Variants in POLE observed in about 807,000 individuals in gnomAD.
POLE encodes DNA polymerase epsilon catalytic subunit A.
POLE carries 188 observed loss-of-function variants against 279.2 expected under a neutral mutation model. The ratio of observed to expected loss-of-function variants is 0.67; its 90% confidence interval spans 0.60 to 0.76. The LOEUF (loss-of-function observed/expected upper bound fraction) is 0.76, where lower values mean the gene tolerates loss of function less well. Among genes scored for constraint, POLE ranks in the 30% least tolerant of loss-of-function variants. POLE has a pLI of 0.00. For missense variants in POLE, 2,703 were observed against 3,016.7 expected, an observed-to-expected ratio of 0.90 and a Z score of 2.44; for synonymous variants, 1,214 against 1,172.5, an observed-to-expected ratio of 1.04 and a Z score of -0.72.
At chr12:132,671,297 C>A (rs1370766125) in intron 16 of POLE, among the ~76,000 whole-genome samples, 1 of 143,768 alleles carries the variant, frequency 7.0e-6, no homozygotes, top group Non-Finnish European at 1.5e-5. Context: ...AGTTTCTTGG[C>A]ATCAATGTGA....
intron 29 of POLE, among the ~76,000 whole-genome samples, chr12:132,653,504 T>C (rs1160427816): frequency 1.3e-5 from 2 of 152,250 alleles, no homozygotes; most frequent in Non-Finnish European, 2.9e-5. Context: ...GTTTCTAGTA[T>C]AAATGAAAGC....
At position 132,675,094 on chromosome 12, in the gene POLE, C is replaced by A. The variant is rs531862858; in HGVS notation, c.1226+304G>T. Reference sequence around the variant, plus strand: ...CTGCCACATCCCAACCTTGCCTGGGCAGAGCAGCTCCATGAGGTCCTAGGT... The same window carrying A: ...CTGCCACATCCCAACCTTGCCTGGGAAGAGCAGCTCCATGAGGTCCTAGGT... On this transcript the variant is annotated intron_variant, in intron 12 of 48. Transcript: ENST00000320574. This position sits in a 1 kb window ranked among gnomAD's most constrained non-coding sequence, Gnocchi z 4.3. 1.2e-4 allele frequency among the ~76,000 whole-genome samples: 19 copies of A among 152,322 alleles called. No homozygotes were observed. Among genetic ancestry groups the A allele is most frequent in the African/African-American group, 4.6e-4 (19 of 41,576 alleles).
intron 45 of POLE, among the ~76,000 whole-genome samples, chr12:132,629,951 T>G (rs1256530203): frequency 6.6e-6 from 1 of 152,208 alleles, no homozygotes; most frequent in Non-Finnish European, 1.5e-5. Flanking sequence ...TGCAGGGCTA[T>G]TAACTTACCT....
chr12:132,681,220 GTCCACTGAC>G lies in POLE; in HGVS notation c.113_121del (p.Ser38_Trp40del). 6.2e-7 allele frequency: 1 copy of G among 1,614,120 alleles called. No homozygotes were observed. Among genetic ancestry groups the G allele is most frequent in the Non-Finnish European group, 8.5e-7 (1 of 1,180,008 alleles). On this transcript the variant is annotated inframe_deletion, in exon 2 of 49. Coordinates refer to ENST00000320574, the MANE Select transcript of POLE (RefSeq NM_006231.4). ...ACCAAACCGCAAATCCATCTTATCC[GTCCACTGAC>G]TCCGTTCCAGGCGCTTGAGTGCCGA...
intron 16 of POLE, among the ~76,000 whole-genome samples, chr12:132,670,889 A>G (rs1006924568): frequency 6.6e-6 from 1 of 152,220 alleles, no homozygotes; most frequent in Non-Finnish European, 1.5e-5. Context: ...TGTGGCTGAC[A>G]ATAGCCAAAC....
chr12:132,636,421 G>A (rs1411825127), intron 41 of POLE, among the ~76,000 whole-genome samples: 1 of 115,980 alleles, frequency 8.6e-6, no homozygotes, highest in Non-Finnish European at 1.6e-5. Flanking sequence ...CCAATCCTCT[G>A]CACATTAGAT....
At chr12:132,680,717 A>G in intron 2 of POLE, 30 bp from the exon 3 acceptor site, 3 of 1,540,684 alleles carry the variant, frequency 1.9e-6, no homozygotes, top group Non-Finnish European at 2.7e-6. Flanking sequence ...CACAGACACA[A>G]GACCATCCTC....
intron 35 of POLE, 60 bp from the exon 36 acceptor site, chr12:132,643,056 G>A (rs1275511274): frequency 1.3e-6 from 2 of 1,518,652 alleles, no homozygotes; most frequent in Non-Finnish European, 1.8e-6. Flanking sequence ...GGGCAGCCCT[G>A]GGGCAGACTC....
At chr12:132,659,573 AC>A in intron 25 of POLE, 64 bp from the exon 26 acceptor site, 2 of 1,397,804 alleles carry the variant, frequency 1.4e-6, no homozygotes, top group Non-Finnish European at 2.0e-6. Context: ...CTCACCCTGG[AC>A]TGTGCTCCTC....
chr12:132,652,828 C>T (rs1393414070), intron 29 of POLE, among the ~76,000 whole-genome samples: 1 of 152,150 alleles, frequency 6.6e-6, no homozygotes, highest in East Asian at 1.9e-4. Flanking sequence ...TAGTGTGTCT[C>T]GTTACATAGT....
intron 2 of POLE, 21 bp from the exon 3 acceptor site, chr12:132,680,708 A>G (rs2043148556): frequency 6.3e-7 from 1 of 1,589,822 alleles, no homozygotes; most frequent in Non-Finnish European, 8.6e-7. Flanking sequence ...ATCAGTCAAC[A>G]CAGACACAAG....
At chr12:132,672,444 T>C (rs1378563430) in intron 15 of POLE, 122 bp from the exon 16 acceptor site, 7 of 1,034,764 alleles carry the variant, frequency 6.8e-6, no homozygotes, top group South Asian at 1.4e-5. Flanking sequence ...AGGACTCATG[T>C]GCACAATCTG....
chr12:132,670,978 T>C (rs1469043456), intron 16 of POLE, among the ~76,000 whole-genome samples: 1 of 152,086 alleles, frequency 6.6e-6, no homozygotes, highest in Non-Finnish European at 1.5e-5. Flanking sequence ...AGATGTTTCT[T>C]GAGGGCAGGC....
intron 9 of POLE, 152 bp downstream of exon 9, chr12:132,676,394 G>T: frequency 1.4e-6 from 1 of 718,052 alleles, no homozygotes; most frequent in African/African-American, 1.8e-5. Flanking sequence ...GGAGGGTACA[G>T]CTGGAGGTCG....
At chr12:132,630,553 C>T (rs2041916342) in intron 45 of POLE, among the ~76,000 whole-genome samples, 1 of 152,042 alleles carries the variant, frequency 6.6e-6, no homozygotes, top group African/African-American at 2.4e-5. Context: ...AGTTCGAGAC[C>T]AGCCTGGCCA....
At position 132,634,011 on chromosome 12, in the gene POLE, A is replaced by C. The variant is rs572942808; in HGVS notation, c.6004+175T>G. ...CCCTCTCCGGGCCCTCCAGTGGAAC[A>C]TGCCTGGAGCCTGGAGAGGAGGCCC... On this transcript the variant is annotated intron_variant, in intron 43 of 48. Transcript: ENST00000320574. The surrounding 1 kb of genome is among the most constrained non-coding windows in gnomAD (Gnocchi z 4.0). 1.7e-6 allele frequency: 1 copy of C among 602,838 alleles called. No homozygotes were observed. The highest frequency in any genetic ancestry group is 2.9e-6 in the Non-Finnish European group (1 of 344,576). 37.3% of individuals were successfully genotyped at this position (602,838 alleles called of 1,614,324 possible). A position where few individuals can be genotyped will look rare whatever the true frequency, so the allele number is the denominator to read the frequency against.
chr12:132,667,570 T>A lies in POLE; in HGVS notation c.2252A>T (p.Asn751Ile), dbSNP rs763810721. 6.2e-7 allele frequency: 1 copy of A among 1,612,270 alleles called. No individual in the cohort carries two copies. The highest frequency in any genetic ancestry group is 1.3e-5 in the African/African-American group (1 of 74,188). The change falls in exon 20 of 49, where the codon AAC (asparagine) becomes ATC (isoleucine). Residue 751 changes from asparagine to isoleucine, a missense_variant. By Grantham distance (149) the Asn-to-Ile change is moderately radical (BLOSUM62 -3). This residue lies in a region of POLE where 1,011 missense variants were observed against 1,111.7 expected (regional missense o/e 0.91). Transcript: ENST00000320574. ...ERLTTICQRE[N>I]SFYVDTVRAF... ...ACGCACGGTGTCCACGTAGAAGGAG[T>A]TTTCCCGCTGGCAGATGGTGGTGAG... is the stretch of plus-strand genomic sequence containing the variant.
intron 46 of POLE, 76 bp downstream of exon 46, chr12:132,626,041 C>A: frequency 7.1e-7 from 1 of 1,417,658 alleles, no homozygotes; most frequent in Non-Finnish European, 9.7e-7. Context: ...GCTGGAGCTG[C>A]AGAAGCCCTC....
intron 1 of POLE, among the ~76,000 whole-genome samples, chr12:132,685,869 G>GT (rs1258825007): frequency 6.6e-6 from 1 of 151,380 alleles, no homozygotes; most frequent in Admixed American, 6.6e-5. Context: ...GTTCTCACAC[G>GT]TTTTTTCTAT....
Sources: gnomAD v4.1 joint callset for allele counts (sites outside exome capture counted in the v4.1 genomes callset) on GRCh38, gnomAD v4.1.1 for gene constraint, gnomAD v4.1.1 regional missense constraint, Gnocchi (gnomAD v3.1) non-coding constraint, MANE v1.5 for transcripts, NCBI Gene and HGNC (gene_info 2026-07-23, HGNC 2026-07-21) for gene names.